The following NELL2 variants were observed in gnomAD, a reference collection of about 807,000 sequenced individuals.
The protein encoded by NELL2 is protein kinase C-binding protein NELL2.
A neutral mutation model predicts 109.6 loss-of-function variants in NELL2; 41 were observed. That is an observed-to-expected ratio of 0.37 (90% CI 0.29 to 0.49). The LOEUF (loss-of-function observed/expected upper bound fraction) is 0.49. Ranked by LOEUF, NELL2 falls within the 20% of genes least tolerant of loss-of-function variation. NELL2 has a pLI of 0.98. For missense variants in NELL2, 900 were observed against 1,008.3 expected (o/e 0.89, Z 1.45); for synonymous variants, 355 against 344.7 (o/e 1.03, Z -0.33).
chr12:44,875,637 G>A (rs1341965475), intron 1 of NELL2, 178 bp downstream of exon 1: 6 of 1,604,084 alleles, frequency 3.7e-6, no homozygotes, highest in South Asian at 2.2e-5. Context: ...TCCGCCTCGC[G>A]GTCTCCAAGG....
upstream of NELL2, among the ~76,000 whole-genome samples, chr12:44,918,988 G>A (rs1945849678): frequency 6.6e-6 from 1 of 152,146 alleles, no homozygotes. Context: ...TGCTAAGAAT[G>A]ACAGAATGAA....
At chr12:44,744,331 G>A (rs1371517432) in intron 9 of NELL2, among the ~76,000 whole-genome samples, 1 of 151,948 alleles carries the variant, frequency 6.6e-6, no homozygotes, top group Non-Finnish European at 1.5e-5. Flanking sequence ...AACACTAAAT[G>A]CCCACAAGAG....
chr12:44,798,871 C>T (rs1164904709), intron 3 of NELL2, among the ~76,000 whole-genome samples: 1 of 145,942 alleles, frequency 6.9e-6, no homozygotes, highest in African/African-American at 2.6e-5. Context: ...GAGAAAAAAA[C>T]AGCTGTTTAA....
At chr12:44,763,755 G>T (rs549155355) in intron 9 of NELL2, among the ~76,000 whole-genome samples, 27 of 152,214 alleles carry the variant, frequency 1.8e-4, no homozygotes, top group African/African-American at 6.0e-4. Flanking sequence ...AAGGATTAAT[G>T]GGAGAATTTT....
chr12:44,583,769 A>ATATT (rs976895524), intron 15 of NELL2, among the ~76,000 whole-genome samples: 36 of 152,072 alleles, frequency 2.4e-4, no homozygotes, highest in African/African-American at 7.0e-4. Flanking sequence ...ACACTTCTAT[A>ATATT]TATTTATTTA....
intron 15 of NELL2, among the ~76,000 whole-genome samples, chr12:44,544,905 T>C (rs558707365): frequency 6.6e-6 from 1 of 151,814 alleles, no homozygotes; most frequent in South Asian, 2.1e-4. Context: ...AAAGTTGAGA[T>C]TACAGAGAGA....
intron 9 of NELL2, among the ~76,000 whole-genome samples, chr12:44,754,599 T>C (rs1940800763): frequency 1.3e-5 from 2 of 152,192 alleles, no homozygotes; most frequent in African/African-American, 4.8e-5. Context: ...CAGGGATTCC[T>C]AGAAGCATCA....
At chr12:44,669,318 A>G (rs1212570561) in intron 12 of NELL2, among the ~76,000 whole-genome samples, 1 of 152,216 alleles carries the variant, frequency 6.6e-6, no homozygotes, top group Admixed American at 6.5e-5. Context: ...ATCAACATAA[A>G]GACATAAGAA....
At chr12:44,626,988 A>T (rs533287418) in intron 13 of NELL2, among the ~76,000 whole-genome samples, 1 of 152,266 alleles carries the variant, frequency 6.6e-6, no homozygotes, top group South Asian at 2.1e-4. Flanking sequence ...ACTAACAGTG[A>T]GCCCTAGTGT....
rs978290435 is a variant in NELL2, at chr12:44,875,977, C to T, written c.-108G>A. On this transcript the variant is annotated 5_prime_UTR_variant, in exon 1 of 20. Transcript: ENST00000429094. Reference sequence around the variant, plus strand: ...ATAACGTTTGTCTCTCCTGCTGCTGCCTCGGATTTACTGATCAGTAGGATT... The same window carrying T: ...ATAACGTTTGTCTCTCCTGCTGCTGTCTCGGATTTACTGATCAGTAGGATT... 2.5e-6 allele frequency: 4 copies of T among 1,574,154 alleles called. No individual in the cohort carries two copies. The African/African-American group carries it at 5.4e-5, about 21-fold the overall frequency.
At chr12:44,801,016 T>A (rs1942810519) in intron 3 of NELL2, among the ~76,000 whole-genome samples, 1 of 152,064 alleles carries the variant, frequency 6.6e-6, no homozygotes, top group Non-Finnish European at 1.5e-5. Flanking sequence ...TGAGGCGACA[T>A]TTTGATTGTA....
intron 13 of NELL2, among the ~76,000 whole-genome samples, chr12:44,645,942 C>T (rs968904719): frequency 6.6e-6 from 1 of 152,044 alleles, no homozygotes; most frequent in Admixed American, 6.5e-5. Context: ...AAGCAAATGA[C>T]CATAGCACAT....
intron 1 of NELL2, among the ~76,000 whole-genome samples, chr12:44,895,518 A>C (rs1407494154): frequency 1.3e-5 from 2 of 152,172 alleles, no homozygotes; most frequent in African/African-American, 2.4e-5. Context: ...ATGCCATTAC[A>C]AACACATGGA....
chr12:44,902,462 A>G (rs370608738), intron 1 of NELL2, among the ~76,000 whole-genome samples: 3 of 152,260 alleles, frequency 2.0e-5, no homozygotes, highest in East Asian at 3.8e-4. Flanking sequence ...AATATCGTGA[A>G]AATGGCCACG....
At chr12:44,876,726 G>C, upstream of NELL2, 1 of 1,537,702 alleles carries the variant, frequency 6.5e-7, no homozygotes, top group Non-Finnish European at 8.8e-7. Context: ...GGAAGCCCAT[G>C]TGCACTCGTG....
intron 3 of NELL2, among the ~76,000 whole-genome samples, chr12:44,796,440 T>G (rs944152687): frequency 6.6e-6 from 1 of 152,098 alleles, no homozygotes; most frequent in African/African-American, 2.4e-5. Context: ...ACCATTTTGT[T>G]TTTAATTTTA....
intron 13 of NELL2, among the ~76,000 whole-genome samples, chr12:44,619,386 G>A (rs1010409752): frequency 6.6e-6 from 1 of 152,154 alleles, no homozygotes; most frequent in African/African-American, 2.4e-5. Flanking sequence ...AGAAAAGGTG[G>A]CGTGAAAAAT....
At chr12:44,587,602 A>G (rs144053316) in intron 15 of NELL2, among the ~76,000 whole-genome samples, 1 of 152,246 alleles carries the variant, frequency 6.6e-6, no homozygotes, top group East Asian at 1.9e-4. Flanking sequence ...GGAGTCAAAT[A>G]GTCCAACTAT....
At chr12:44,921,845 G>A (rs268032) in exon 1 of NELL2, 1 of 152,232 alleles carries the variant, frequency 6.6e-6, no homozygotes, top group South Asian at 2.1e-4. Context: ...TTCACATGTG[G>A]TTTGTACTGG....
Sources: gnomAD v4.1 joint callset for allele counts (sites outside exome capture counted in the v4.1 genomes callset) on GRCh38, gnomAD v4.1.1 for gene constraint, MANE v1.5 for transcripts, NCBI Gene and HGNC (gene_info 2026-07-23, HGNC 2026-07-21) for gene names.